DPP6: variants seen among roughly 807,000 people sequenced by gnomAD.
The protein encoded by DPP6 is A-type potassium channel modulatory protein DPP6.
In DPP6, 69 loss-of-function variants were observed where a neutral mutation model predicts 122.6. The observed-to-expected ratio is 0.56, with a 90% CI of 0.46 to 0.69. The LOEUF (loss-of-function observed/expected upper bound fraction) is 0.69, where lower values mean the gene tolerates loss of function less well. Among genes scored for constraint, DPP6 ranks in the 30% least tolerant of loss-of-function variants. DPP6 has a pLI of 0.00. For synonymous variants in DPP6, 418 were observed against 433.1 expected (o/e 0.97, Z 0.43); for missense variants, 928 against 1,116.9 (o/e 0.83, Z 2.41).
the DPP6 span, among the ~76,000 whole-genome samples, chr7:153,814,234 G>C: frequency 6.6e-6 from 1 of 152,048 alleles, no homozygotes; most frequent in Non-Finnish European, 1.5e-5. Flanking sequence ...AGAAAAGAGA[G>C]AAGAATCAAA....
intron 1 of DPP6, among the ~76,000 whole-genome samples, chr7:153,905,199 G>A (rs1268824945): frequency 3.9e-5 from 6 of 152,208 alleles, no homozygotes; most frequent in Non-Finnish European, 8.8e-5. Flanking sequence ...ACACAGAAAG[G>A]TGGGGAAAGT....
At chr7:154,477,190 T>G (rs1297775905) in intron 3 of DPP6, among the ~76,000 whole-genome samples, 6 of 152,106 alleles carry the variant, frequency 3.9e-5, no homozygotes, top group Non-Finnish European at 8.8e-5. Context: ...AGGGAGCAGG[T>G]TTGTCCATGG....
chr7:154,597,384 A>G (rs1217587801), intron 5 of DPP6, among the ~76,000 whole-genome samples: 4 of 152,104 alleles, frequency 2.6e-5, no homozygotes, highest in Non-Finnish European at 5.9e-5. Flanking sequence ...CAGGCAGATC[A>G]CAGGGTCAGG....
Position 154,576,473 on chromosome 7 carries a change from T to G in DPP6, c.627+9557T>G, listed in dbSNP as rs892384116. Among the ~76,000 whole-genome samples the G allele has an allele frequency of 6.8e-3, 1,031 of 152,204 alleles. 12 individuals carry two copies. Among genetic ancestry groups the G allele is most frequent in the African/African-American group, 0.022 (902 of 41,516 alleles). ...TATAGGGAAACACACATGCCTTTTG[T>G]AGTAGAAAGGGAGGAAATAGCTGAA... On this transcript the variant is annotated intron_variant, in intron 5 of 25. Transcript: ENST00000377770.
intron 1 of DPP6, among the ~76,000 whole-genome samples, chr7:154,299,020 A>G (rs1025053549): frequency 6.6e-6 from 1 of 152,214 alleles, no homozygotes; most frequent in Non-Finnish European, 1.5e-5. Flanking sequence ...AGATTACTGG[A>G]CACAGGAGAA....
chr7:154,800,797 T>A (rs911276047), intron 12 of DPP6, among the ~76,000 whole-genome samples: 1 of 152,246 alleles, frequency 6.6e-6, no homozygotes, highest in Non-Finnish European at 1.5e-5. Context: ...ATTTTCTTTT[T>A]TTCTTGCCTT....
At chr7:154,835,007 C>T (rs542141332) in intron 16 of DPP6, among the ~76,000 whole-genome samples, 35 of 152,298 alleles carry the variant, frequency 2.3e-4, no homozygotes, top group Admixed American at 2.1e-3. Context: ...ATGACTTAGA[C>T]GTATAGGGTC....
At chr7:153,801,443 AGGTGTACAGC>A in the DPP6 span, among the ~76,000 whole-genome samples, 2 of 152,174 alleles carry the variant, frequency 1.3e-5, no homozygotes, top group African/African-American at 2.4e-5. Context: ...TAAAGACAGC[AGGTGTACAGC>A]GGTAGAGGGA....
At chr7:153,987,263 A>T (rs1204019060) in intron 1 of DPP6, among the ~76,000 whole-genome samples, 2 of 152,204 alleles carry the variant, frequency 1.3e-5, no homozygotes, top group Non-Finnish European at 2.9e-5. Flanking sequence ...TGCTCCACTA[A>T]GCATATATAC....
chr7:153,762,527 T>A, the DPP6 span, among the ~76,000 whole-genome samples: 1 of 152,062 alleles, frequency 6.6e-6, no homozygotes, highest in African/African-American at 2.4e-5. Context: ...TTCCAGCACT[T>A]TGGGAGGCCA....
intron 3 of DPP6, among the ~76,000 whole-genome samples, chr7:154,499,284 C>T (rs1825018293): frequency 6.6e-6 from 1 of 152,120 alleles, no homozygotes; most frequent in African/African-American, 2.4e-5. Flanking sequence ...AAAAGGAGGG[C>T]CCCCCTGCGG....
At chr7:154,584,527 G>A (rs61507612) in intron 5 of DPP6, among the ~76,000 whole-genome samples, 15,730 of 152,260 alleles carry the variant, frequency 0.1, 965 homozygotes, top group Middle Eastern at 0.16. Context: ...AAAATGGACC[G>A]TCCCCCACCC....
chr7:154,300,315 A>T (rs1805823001), intron 1 of DPP6, among the ~76,000 whole-genome samples: 1 of 152,148 alleles, frequency 6.6e-6, no homozygotes, highest in African/African-American at 2.4e-5. Context: ...CCACCACGAG[A>T]GTACTTAGCT....
chr7:154,471,270 G>T (rs777966951), intron 2 of DPP6, among the ~76,000 whole-genome samples: 16 of 152,082 alleles, frequency 1.1e-4, no homozygotes, highest in Admixed American at 2.6e-4. Flanking sequence ...ACAAACAAAA[G>T]CATAGCTGCT....
chr7:154,272,373 G>T (rs1328501338), intron 1 of DPP6, among the ~76,000 whole-genome samples: 1 of 152,174 alleles, frequency 6.6e-6, no homozygotes, highest in African/African-American at 2.4e-5. Flanking sequence ...TGTGGATTTA[G>T]TTTCATAGAC....
chr7:153,844,593 TA>T, the DPP6 span, among the ~76,000 whole-genome samples: 5 of 152,234 alleles, frequency 3.3e-5, no homozygotes, highest in African/African-American at 1.2e-4. Flanking sequence ...CTTTTTCTGA[TA>T]TTTTTTTCAA....
chr7:154,280,088 T>G (rs562785179), intron 1 of DPP6, among the ~76,000 whole-genome samples: 1 of 152,312 alleles, frequency 6.6e-6, no homozygotes, highest in African/African-American at 2.4e-5. Context: ...CCCCGATAAC[T>G]GCATTCAGAT....
chr7:153,868,737 TG>T, the DPP6 span, among the ~76,000 whole-genome samples: 17 of 152,326 alleles, frequency 1.1e-4, 1 homozygote, highest in Admixed American at 9.8e-4. Context: ...CTTTTAATTG[TG>T]ATGTTAGGGT....
chr7:154,807,200 C>T lies in DPP6; in HGVS notation c.1666+88C>T, dbSNP rs1328262783. ...GGGCACACTTGCAGGGAGGGGGCAG[C>T]GGCTGTGGTGGGAGCACAGCGTATT... On this transcript the variant is annotated intron_variant, in intron 16 of 25. Transcript: ENST00000377770. 13 of 1,520,810 alleles carry T rather than the reference C, an allele frequency of 8.5e-6. No individual in the cohort carries two copies. The East Asian group carries it at 1.8e-4, about 22-fold the overall frequency. 94.2% of individuals were successfully genotyped at this position (1,520,810 alleles called of 1,614,324 possible).
Sources: gnomAD v4.1 joint callset for allele counts (sites outside exome capture counted in the v4.1 genomes callset) on GRCh38, gnomAD v4.1.1 for gene constraint, MANE v1.5 for transcripts, NCBI Gene and HGNC (gene_info 2026-07-23, HGNC 2026-07-21) for gene names.